Variants in CEP350 observed in about 807,000 individuals in gnomAD.
CEP350 encodes the protein centrosome-associated protein 350.
CEP350 carries 126 observed loss-of-function variants against 331.8 expected under a neutral mutation model. That is an observed-to-expected ratio of 0.38 (90% CI 0.33 to 0.44). The LOEUF is 0.44. CEP350 is among the 20% of genes least tolerant of loss of function. CEP350 has a pLI of 1.00. For missense variants in CEP350, 3,406 were observed against 3,634.6 expected (o/e 0.94, Z 1.62); for synonymous variants, 1,200 against 1,259.5 (o/e 0.95, Z 1.00).
In CEP350 at chr1:180,094,072, C is replaced by G; in HGVS notation, c.7967C>G (p.Ser2656Ter). 1 of 1,613,908 alleles carries G rather than the reference C, an allele frequency of 6.2e-7. No homozygotes were observed. The highest frequency in any genetic ancestry group is 8.5e-7 in the Non-Finnish European group (1 of 1,179,860). ...VLEAHVHQQS[S>*]VDSQISSKEN... Reference sequence around the variant, plus strand: ...GAAGCCCATGTTCACCAGCAGTCTTCAGTGGATTCACAGATTTCTTCAAAG... The same window carrying G: ...GAAGCCCATGTTCACCAGCAGTCTTGAGTGGATTCACAGATTTCTTCAAAG... Residue 2656 changes from serine to a stop codon, truncating the protein, a stop_gained, in exon 34 of 38, where the codon TCA (serine) becomes TGA (stop). Transcript: ENST00000367607. LOFTEE classifies it high-confidence loss of function.
At chr1:180,024,964 G>A (rs985526563) in intron 14 of CEP350, among the ~76,000 whole-genome samples, 10 of 147,752 alleles carry the variant, frequency 6.8e-5, no homozygotes, top group South Asian at 2.1e-4. Flanking sequence ...TCACTCTGTC[G>A]CCCAGGCTGG....
chr1:180,087,840 T>A, intron 32 of CEP350, 123 bp downstream of exon 32: 2 of 1,056,546 alleles, frequency 1.9e-6, no homozygotes, highest in Non-Finnish European at 2.5e-6. Flanking sequence ...TATTTTCTAT[T>A]TTTAGTGTCA....
chr1:180,108,342 G>C (rs1287853804), intron 37 of CEP350, among the ~76,000 whole-genome samples: 1 of 152,138 alleles, frequency 6.6e-6, no homozygotes, highest in African/African-American at 2.4e-5. Flanking sequence ...TAATATTACA[G>C]GCCAAGAGAG....
chr1:179,990,655 T>TA (rs1652987251), intron 4 of CEP350, 34 bp downstream of exon 4: 1 of 1,138,458 alleles, frequency 8.8e-7, no homozygotes. Flanking sequence ...TATATACATA[T>TA]ATTAAATATA....
intron 37 of CEP350, among the ~76,000 whole-genome samples, chr1:180,109,001 C>T (rs1661320057): frequency 6.6e-6 from 1 of 152,170 alleles, no homozygotes; most frequent in South Asian, 2.1e-4. Context: ...ATATGTTGGA[C>T]AATACTGTTC....
intron 1 of CEP350, among the ~76,000 whole-genome samples, chr1:179,957,211 T>G (rs1650233423): frequency 6.6e-6 from 1 of 152,176 alleles, no homozygotes; most frequent in Non-Finnish European, 1.5e-5. Context: ...AAAACAAACA[T>G]TCAAGCCACA....
chr1:180,038,584 A>G (rs1558119071), intron 17 of CEP350, among the ~76,000 whole-genome samples: 1 of 152,192 alleles, frequency 6.6e-6, no homozygotes, highest in African/African-American at 2.4e-5. Context: ...TCTATTGAGT[A>G]TGAAGTAGTA....
At chr1:179,997,339 A>G (rs1056189285) in intron 6 of CEP350, among the ~76,000 whole-genome samples, 164 bp downstream of exon 6, 1 of 152,094 alleles carries the variant, frequency 6.6e-6, no homozygotes, top group African/African-American at 2.4e-5. Context: ...CGGGAGATCA[A>G]GACCATCCTG....
In CEP350 at chr1:180,034,064, A is replaced by G. The variant is rs144436526; in HGVS notation, c.3928A>G (p.Asn1310Asp). The change falls in exon 16 of 38, where the codon AAC (asparagine) becomes GAC (aspartate). Residue 1310 changes from asparagine (N) to aspartate (D), a missense_variant. Asn to Asp is a conservative substitution (Grantham distance 23). Transcript: ENST00000367607. ...NPAASRTTTE[N>D]MAPIPGSKRF... ...GGCAGCCAGCAGAACAACGACAGAG[A>G]ACATGGCTCCAATACCAGGTAAGTA... The G allele has an allele frequency of 4.3e-6, 7 of 1,613,740 alleles. No individual in the cohort carries two copies. In the East Asian group the frequency reaches 1.6e-4, roughly 36 times the overall value.
At chr1:180,104,107 A>G (rs954999565) in intron 37 of CEP350, among the ~76,000 whole-genome samples, 4 of 148,948 alleles carry the variant, frequency 2.7e-5, no homozygotes, top group Non-Finnish European at 5.9e-5. Context: ...TATTTTTGTT[A>G]TATTTTATCT....
At position 180,014,426 on chromosome 1, in the gene CEP350, A is replaced by G. The variant is rs916586684; in HGVS notation, c.1973A>G (p.Gln658Arg). 10 of 1,608,954 alleles carry G rather than the reference A, an allele frequency of 6.2e-6. No homozygotes were observed. The highest frequency in any genetic ancestry group is 6.8e-6 in the Non-Finnish European group (8 of 1,177,744). Residue 658 changes from glutamine (Q) to arginine (R), a missense_variant, in exon 10 of 38, where the codon CAG (glutamine) becomes CGG (arginine). Gln to Arg is a conservative substitution (Grantham distance 43). Transcript: ENST00000367607. Reference sequence around the variant, plus strand: ...GAGCCATCAGCAACTAGGCGACTACAGGAAACTTACTCCAAATTGCTACTA... The same window carrying G: ...GAGCCATCAGCAACTAGGCGACTACGGGAAACTTACTCCAAATTGCTACTA... Reference protein sequence around the residue: ...PSEPSATRRLQETYSKLLLEK... With the variant: ...PSEPSATRRLRETYSKLLLEK...
At chr1:179,974,069 G>GTGTT (rs913353466) in intron 1 of CEP350, among the ~76,000 whole-genome samples, 2 of 142,354 alleles carry the variant, frequency 1.4e-5, no homozygotes, top group Admixed American at 7.6e-5. Context: ...GTTGTTGCTG[G>GTGTT]TGTTTGTTTG....
At chr1:180,073,823 A>T (rs1432878961) in intron 27 of CEP350, 2 of 1,304,314 alleles carry the variant, frequency 1.5e-6, no homozygotes, top group Non-Finnish European at 2.0e-6. Context: ...CTCTGTCTTT[A>T]CGTCTCATCA....
Position 180,020,342 on chromosome 1 carries a change from A to T in CEP350, c.2568A>T (p.Ala856=), listed in dbSNP as rs150386847. The T allele has an allele frequency of 4.3e-6, 7 of 1,613,808 alleles. No homozygotes were observed. The African/African-American group carries it at 5.3e-5, about 12-fold the overall frequency. ...LAGASINYGS[A]WNTEYDVQQA... Reference sequence around the variant, plus strand: ...GGGCCAGCATTAACTATGGGTCAGCATGGAACACTGAGTATGATGTGCAGC... The same window carrying T: ...GGGCCAGCATTAACTATGGGTCAGCTTGGAACACTGAGTATGATGTGCAGC... Residue 856 remains alanine (A), a synonymous_variant, in exon 12 of 38, where the codon GCA becomes GCT. Transcript: ENST00000367607.
At chr1:180,067,992 C>T (rs1280478808) in intron 27 of CEP350, among the ~76,000 whole-genome samples, 1 of 152,210 alleles carries the variant, frequency 6.6e-6, no homozygotes, top group Non-Finnish European at 1.5e-5. Context: ...TGAACCTCTG[C>T]TACTTCATGA....
intron 14 of CEP350, among the ~76,000 whole-genome samples, chr1:180,027,947 A>G (rs886721590): frequency 3.3e-5 from 5 of 152,198 alleles, no homozygotes; most frequent in Admixed American, 1.3e-4. Context: ...ACGTCCAATG[A>G]GAATGCTAGG....
intron 1 of CEP350, among the ~76,000 whole-genome samples, chr1:179,961,246 G>T (rs1650588028): frequency 6.6e-6 from 1 of 152,090 alleles, no homozygotes; most frequent in Admixed American, 6.5e-5. Context: ...AGGAGTTCAA[G>T]ACCAACCTGG....
At chr1:180,035,617 A>G (rs553117935) in intron 16 of CEP350, among the ~76,000 whole-genome samples, 1 of 152,350 alleles carries the variant, frequency 6.6e-6, no homozygotes, top group East Asian at 1.9e-4. Context: ...ACATCTGTTT[A>G]CAGCCCTCAG....
intron 14 of CEP350, among the ~76,000 whole-genome samples, chr1:180,026,520 A>G (rs1655687155): frequency 6.6e-6 from 1 of 152,202 alleles, no homozygotes; most frequent in Non-Finnish European, 1.5e-5. Flanking sequence ...GTTCAGTGAC[A>G]TTAAGTACAT....
Sources: gnomAD v4.1 joint callset for allele counts (sites outside exome capture counted in the v4.1 genomes callset) on GRCh38, gnomAD v4.1.1 for gene constraint, MANE v1.5 for transcripts, NCBI Gene and HGNC (gene_info 2026-07-23, HGNC 2026-07-21) for gene names.